ROS1: variants seen among roughly 807,000 people sequenced by gnomAD.
The protein encoded by ROS1 is ROS proto-oncogene 1, receptor tyrosine kinase.
ROS1 carries 263 observed loss-of-function variants against 273.5 expected under a neutral mutation model. The observed-to-expected ratio is 0.96, with a 90% CI of 0.87 to 1.06. ROS1 has a LOEUF of 1.06. Among genes scored for constraint, ROS1 ranks in the 50% least tolerant of loss-of-function variants. ROS1 has a pLI of 0.00. For missense variants in ROS1, 2,833 were observed against 2,751.1 expected (o/e 1.03, Z -0.67); for synonymous variants, 1,008 against 954.1 (o/e 1.06, Z -1.04).
chr6:117,389,930 G>C (rs780004553), intron 12 of ROS1, 84 bp from the exon 13 acceptor site: 60 of 1,236,320 alleles, frequency 4.9e-5, no homozygotes, highest in Non-Finnish European at 6.5e-5. Context: ...TCATTCTGTT[G>C]CACAATCAGA....
chr6:117,357,643 C>T (rs187866454), intron 25 of ROS1, among the ~76,000 whole-genome samples, 161 bp downstream of exon 25: 22 of 152,262 alleles, frequency 1.4e-4, no homozygotes, highest in Non-Finnish European at 2.9e-4. Flanking sequence ...AGTTGTGCCT[C>T]CTAATTTATA....
intron 21 of ROS1, among the ~76,000 whole-genome samples, 163 bp downstream of exon 21, chr6:117,364,897 G>A (rs1780079256): frequency 6.6e-6 from 1 of 152,188 alleles, no homozygotes; most frequent in South Asian, 2.1e-4. Flanking sequence ...GCATATTTAT[G>A]TTAATGACGC....
At chr6:117,319,679 T>C (rs1389711683) in intron 37 of ROS1, among the ~76,000 whole-genome samples, 189 bp downstream of exon 37, 2 of 152,192 alleles carry the variant, frequency 1.3e-5, no homozygotes, top group Non-Finnish European at 2.9e-5. Context: ...AGATTGTTGA[T>C]TACAAACAAT....
chr6:117,411,069 A>C (rs994041185), intron 4 of ROS1, among the ~76,000 whole-genome samples: 1 of 152,122 alleles, frequency 6.6e-6, no homozygotes, highest in Non-Finnish European at 1.5e-5. Context: ...ATTATTTTGA[A>C]ATATAGGTAG....
chr6:117,379,405 T>C (rs1166188876), intron 17 of ROS1, among the ~76,000 whole-genome samples: 1 of 152,186 alleles, frequency 6.6e-6, no homozygotes, highest in East Asian at 1.9e-4. Flanking sequence ...TTTTATATAC[T>C]TAGCTCCAGT....
chr6:117,288,885 C>G, intron 43 of ROS1, 83 bp from the exon 44 acceptor site: 2 of 1,097,536 alleles, frequency 1.8e-6, no homozygotes. Flanking sequence ...AGAATTATAG[C>G]AACACCAACT....
intron 7 of ROS1, among the ~76,000 whole-genome samples, chr6:117,398,928 G>A (rs535195272): frequency 2.0e-5 from 3 of 150,790 alleles, no homozygotes; most frequent in East Asian, 2.0e-4. Flanking sequence ...AGCTGAGATC[G>A]TGCTACTGTA....
chr6:117,340,020 C>A (rs1237648221), intron 31 of ROS1, among the ~76,000 whole-genome samples: 1 of 152,064 alleles, frequency 6.6e-6, no homozygotes. Context: ...CATTTCATTT[C>A]TTTGATAATC....
intron 24 of ROS1, 90 bp downstream of exon 24, chr6:117,359,719 A>G: frequency 9.7e-7 from 1 of 1,026,076 alleles, no homozygotes; most frequent in Non-Finnish European, 1.5e-6. Flanking sequence ...CTTAATGACT[A>G]AACCGTTTTC....
intron 33 of ROS1, among the ~76,000 whole-genome samples, chr6:117,328,191 C>A (rs1167418861): frequency 6.6e-6 from 1 of 152,186 alleles, no homozygotes; most frequent in South Asian, 2.1e-4. Flanking sequence ...AGTGTCCTGA[C>A]TGAAGGACTT....
chr6:117,337,141 T>G (rs780190604), intron 32 of ROS1, 31 bp downstream of exon 32: 1 of 1,554,580 alleles, frequency 6.4e-7, no homozygotes, highest in Non-Finnish European at 8.7e-7. Flanking sequence ...AAACACAGAG[T>G]TTTCTGAGTA....
chr6:117,406,561 T>C (rs1774420304), intron 5 of ROS1, among the ~76,000 whole-genome samples: 1 of 152,210 alleles, frequency 6.6e-6, no homozygotes, highest in South Asian at 2.1e-4. Flanking sequence ...AACAGAATTG[T>C]ATAATTAAGT....
intron 12 of ROS1, among the ~76,000 whole-genome samples, chr6:117,391,005 A>G (rs1042517377): frequency 6.6e-6 from 1 of 152,164 alleles, no homozygotes; most frequent in African/African-American, 2.4e-5. Flanking sequence ...ATACTTTGAT[A>G]AATTCTTATC....
chr6:117,319,760 A>G, intron 37 of ROS1, 108 bp downstream of exon 37: 1 of 958,430 alleles, frequency 1.0e-6, no homozygotes. Flanking sequence ...ACATTCAACC[A>G]GTCCTCTTTT....
At chr6:117,425,463 A>G (rs1302236297) in intron 1 of ROS1, 71 bp downstream of exon 1, 1 of 1,424,902 alleles carries the variant, frequency 7.0e-7, no homozygotes, top group Non-Finnish European at 9.4e-7. Flanking sequence ...AAACAATTCT[A>G]TCAGTTATAA....
intron 33 of ROS1, chr6:117,328,591 T>C (rs2128590367): frequency 2.4e-6 from 1 of 422,932 alleles, no homozygotes; most frequent in Non-Finnish European, 4.6e-6. Context: ...AAAGATCAAG[T>C]TGCCAGGACT....
intron 4 of ROS1, among the ~76,000 whole-genome samples, chr6:117,411,625 T>A (rs1774917003): frequency 6.6e-6 from 1 of 152,150 alleles, no homozygotes; most frequent in Non-Finnish European, 1.5e-5. Context: ...TTTCCCAGAC[T>A]GGCACACAGG....
chr6:117,336,452 TG>T (rs1300111157), intron 32 of ROS1, among the ~76,000 whole-genome samples: 1 of 152,194 alleles, frequency 6.6e-6, no homozygotes, highest in Non-Finnish European at 1.5e-5. Context: ...ATTAGTTTGC[TG>T]AGGTTAATAG....
chr6:117,401,656 A>T (rs1773940316), intron 7 of ROS1, among the ~76,000 whole-genome samples: 1 of 152,156 alleles, frequency 6.6e-6, no homozygotes, highest in Non-Finnish European at 1.5e-5. Context: ...CAAGCTCCAT[A>T]AGGGTTAGGA....
Sources: gnomAD v4.1 joint callset for allele counts (sites outside exome capture counted in the v4.1 genomes callset) on GRCh38, gnomAD v4.1.1 for gene constraint, MANE v1.5 for transcripts, NCBI Gene and HGNC (gene_info 2026-07-23, HGNC 2026-07-21) for gene names.